Variants in TRIM9 observed in about 807,000 individuals in gnomAD.
TRIM9 encodes the protein tripartite motif containing 9.
In TRIM9, 26 loss-of-function variants were observed where a neutral mutation model predicts 78.3. That is an observed-to-expected ratio of 0.33 (90% CI 0.24 to 0.46). The LOEUF (loss-of-function observed/expected upper bound fraction) is 0.46, where lower values mean the gene tolerates loss of function less well. Ranked by LOEUF, TRIM9 falls within the 20% of genes least tolerant of loss-of-function variation. TRIM9 has a pLI of 1.00. For synonymous variants in TRIM9, 398 were observed against 416.5 expected, an observed-to-expected ratio of 0.96 and a Z score of 0.54; for missense variants, 787 against 1,036.4, an observed-to-expected ratio of 0.76 and a Z score of 3.30.
chr14:51,040,576 T>C (rs8005389), intron 1 of TRIM9, among the ~76,000 whole-genome samples: 44,343 of 152,158 alleles, frequency 0.29, 6,904 homozygotes, highest in Non-Finnish European at 0.35. Context: ...CTCATACTTT[T>C]ACCCACTCTG....
At chr14:50,977,645 T>C (rs1225274082) in intron 12 of TRIM9, among the ~76,000 whole-genome samples, 1 of 152,144 alleles carries the variant, frequency 6.6e-6, no homozygotes, top group Non-Finnish European at 1.5e-5. Context: ...ACACAGGCCT[T>C]GGTTTTCAGA....
intron 1 of TRIM9, among the ~76,000 whole-genome samples, chr14:51,049,521 T>C (rs1252254388): frequency 1.3e-5 from 2 of 152,030 alleles, no homozygotes; most frequent in Middle Eastern, 3.2e-3. Context: ...ATAGTGTATG[T>C]GTAAGTGTAA....
chr14:51,002,290 T>C (rs1468145234), intron 5 of TRIM9, among the ~76,000 whole-genome samples: 3 of 94,908 alleles, frequency 3.2e-5, no homozygotes, highest in African/African-American at 1.0e-4. Flanking sequence ...GCTGGCTGAT[T>C]TTTTTTTTTT....
At chr14:51,070,665 G>A (rs1260641756) in intron 1 of TRIM9, among the ~76,000 whole-genome samples, 1 of 152,158 alleles carries the variant, frequency 6.6e-6, no homozygotes, top group Non-Finnish European at 1.5e-5. Flanking sequence ...TAGCATTTTG[G>A]ATTAAGAATA....
chr14:51,021,594 G>A (rs779694068), intron 3 of TRIM9, among the ~76,000 whole-genome samples: 1 of 152,150 alleles, frequency 6.6e-6, no homozygotes, highest in South Asian at 2.1e-4. Flanking sequence ...CACTATGAGC[G>A]TAAGACCAGA....
At chr14:51,075,758 G>C (rs2140268923) in intron 1 of TRIM9, among the ~76,000 whole-genome samples, 1 of 152,312 alleles carries the variant, frequency 6.6e-6, no homozygotes, top group East Asian at 1.9e-4. Context: ...TCCCAAGGCG[G>C]GGAGTGGGTC....
At chr14:50,983,045 T>A in intron 9 of TRIM9, 80 bp from the exon 10 acceptor site, 2 of 1,343,994 alleles carry the variant, frequency 1.5e-6, no homozygotes, top group Non-Finnish European at 2.1e-6. Flanking sequence ...GTGTCTCTCT[T>A]GATAGACTAG....
At position 50,977,175 on chromosome 14, in the gene TRIM9, C is replaced by T. The variant is rs2051150700; in HGVS notation, c.*116G>A. On this transcript the variant is annotated 3_prime_UTR_variant, in exon 13 of 13. Coordinates refer to ENST00000684578, the MANE Select transcript of TRIM9 (RefSeq NM_001387360.1). The stretch of plus-strand genomic sequence containing the variant: ...AAGACTGCAGAGGACCAGCTTTTCT[C>T]TCCTCCTTCTCCCACTCCTGCCAAC... The T allele has an allele frequency of 1.3e-6, 1 of 765,798 alleles. No individual in the cohort carries two copies. The highest frequency in any genetic ancestry group is 1.9e-6 in the Non-Finnish European group (1 of 526,676). 47.4% of individuals were successfully genotyped at this position (765,798 alleles called of 1,614,324 possible).
At chr14:51,063,508 A>C (rs1032964183) in intron 1 of TRIM9, among the ~76,000 whole-genome samples, 1 of 152,086 alleles carries the variant, frequency 6.6e-6, no homozygotes, top group Non-Finnish European at 1.5e-5. Flanking sequence ...AAGCAGAATA[A>C]AATTTTCAAA....
chr14:51,049,311 T>C (rs2060203599), intron 1 of TRIM9, among the ~76,000 whole-genome samples: 1 of 152,146 alleles, frequency 6.6e-6, no homozygotes, highest in Non-Finnish European at 1.5e-5. Flanking sequence ...TTGAAAAGAT[T>C]ATACCAGGTC....
chr14:51,036,566 T>C (rs2059169311), intron 1 of TRIM9, among the ~76,000 whole-genome samples: 1 of 152,190 alleles, frequency 6.6e-6, no homozygotes, highest in Non-Finnish European at 1.5e-5. Flanking sequence ...AGATTACTTA[T>C]AATACCTAAT....
intron 1 of TRIM9, among the ~76,000 whole-genome samples, chr14:51,053,974 C>T (rs187580574): frequency 7.9e-4 from 120 of 152,296 alleles, no homozygotes; most frequent in Middle Eastern, 6.8e-3. Flanking sequence ...TAATCAGCTA[C>T]CATCTCTAAA....
intron 5 of TRIM9, among the ~76,000 whole-genome samples, chr14:51,005,469 T>A (rs1232105116): frequency 6.6e-6 from 1 of 152,234 alleles, no homozygotes; most frequent in East Asian, 1.9e-4. Context: ...CCATGACTCA[T>A]GAATCTTGGG....
intron 7 of TRIM9, chr14:50,996,902 G>A: frequency 1.0e-6 from 1 of 985,390 alleles, no homozygotes; most frequent in South Asian, 4.7e-5. Context: ...ACGGCTAGGG[G>A]CCTTTCATCC....
chr14:51,022,830 C>T lies in TRIM9; in HGVS notation c.1041+5G>A. On this transcript the variant is annotated splice_donor_5th_base_variant and intron_variant, in intron 3 of 12. Transcript: ENST00000684578. ...TTTCTGCTCTTCCCATGATGCAGCA[C>T]TCACCTTCAGCTTGTGCTCATGCTC... The T allele has an allele frequency of 6.2e-7, 1 of 1,614,124 alleles. No homozygotes were observed.
chr14:50,991,477 ATTC>A, intron 7 of TRIM9, among the ~76,000 whole-genome samples: 1 of 152,308 alleles, frequency 6.6e-6, no homozygotes, highest in South Asian at 2.1e-4. Flanking sequence ...GGAAATGCAT[ATTC>A]TTCTAACTAT....
rs1168411463 is a variant in TRIM9 at position 51,022,854 on chromosome 14, T to A, written c.1022A>T (p.Glu341Val). The change falls in exon 3 of 13, where the codon GAG becomes GTG. Residue 341 changes from glutamate (E) to valine (V), a missense_variant. Transcript: ENST00000684578. ...ACTCACCTTCAGCTTGTGCTCATGC[T>A]CCTTGTTGACGCGGGCCAGCAGCTG... ...KAQLLARVNKEHEHKLKVVRD... is the reference protein window; with the variant it reads ...KAQLLARVNKVHEHKLKVVRD... 1 of 1,614,210 alleles carries A rather than the reference T, an allele frequency of 6.2e-7. No individual in the cohort carries two copies. The highest frequency in any genetic ancestry group is 8.5e-7 in the Non-Finnish European group (1 of 1,180,020).
At chr14:51,011,382 G>T (rs2056565561) in intron 3 of TRIM9, among the ~76,000 whole-genome samples, 2 of 152,250 alleles carry the variant, frequency 1.3e-5, no homozygotes, top group Non-Finnish European at 2.9e-5. Flanking sequence ...TCCAAAGATG[G>T]GGTCCTCCCA....
intron 3 of TRIM9, among the ~76,000 whole-genome samples, chr14:51,018,365 C>A (rs751413250): frequency 1.3e-5 from 2 of 151,624 alleles, no homozygotes; most frequent in Non-Finnish European, 2.9e-5. Context: ...CTCCCTCCCC[C>A]CTTTCTTTCT....
Sources: gnomAD v4.1 joint callset for allele counts (sites outside exome capture counted in the v4.1 genomes callset) on GRCh38, gnomAD v4.1.1 for gene constraint, MANE v1.5 for transcripts, NCBI Gene and HGNC (gene_info 2026-07-23, HGNC 2026-07-21) for gene names.